The following GYS1 variants were observed in gnomAD, a reference collection of about 807,000 sequenced individuals.
GYS1 encodes the protein glycogen [starch] synthase, muscle.
GYS1 carries 60 observed loss-of-function variants against 89.1 expected under a neutral mutation model. The ratio of observed to expected loss-of-function variants is 0.67; its 90% confidence interval spans 0.55 to 0.84. GYS1 has a LOEUF of 0.84. GYS1 is among the 40% of genes least tolerant of loss of function. The pLI is 0.00. For missense variants in GYS1, 888 were observed against 1,003.1 expected, an observed-to-expected ratio of 0.89 and a Z score of 1.55; for synonymous variants, 366 against 401.7, an observed-to-expected ratio of 0.91 and a Z score of 1.06.
At chr19:48,973,847 G>T (rs2122473890) in intron 12 of GYS1, among the ~76,000 whole-genome samples, 1 of 152,208 alleles carries the variant, frequency 6.6e-6, no homozygotes, top group Admixed American at 6.5e-5. Flanking sequence ...TGGCTAATGT[G>T]AACCAACAAG....
At position 48,968,377 on chromosome 19, in the gene GYS1, T is replaced by C. The variant is rs1042414146; in HGVS notation, c.*911A>G. 1 of 454,262 alleles carries C rather than the reference T, an allele frequency of 2.2e-6. No individual in the cohort carries two copies. The highest frequency in any genetic ancestry group is 4.4e-6 in the Non-Finnish European group (1 of 226,782). The allele number at this position is 454,262 out of a possible 1,614,324, so 28.1% of individuals were successfully genotyped here. A position where few individuals can be genotyped will look rare whatever the true frequency, so the allele number is the denominator to read the frequency against. On this transcript the variant is annotated 3_prime_UTR_variant, in exon 16 of 16. Transcript: ENST00000323798. ...TCATGGGAAAGGGATCAGTATGCAG[T>C]AACGTGGTAAGGTTCCAGATCTAGA...
Position 48,969,575 on chromosome 19 carries a change from G to T in GYS1, c.1927C>A (p.Pro643Thr). The change falls in exon 16 of 16, where the codon CCA (proline) becomes ACA (threonine). Residue 643 changes from proline (P) to threonine (T), a missense_variant. Transcript: ENST00000323798. ...TGTCGTGACAGCGAGGGCGACGGTG[G>T]CACCGAGGCTGGCCGTGGGTAGCGG... ...GYRYPRPASV[P>T]PSPSLSRHSS... is the part of the protein sequence containing the mutation. 1 of 1,538,486 alleles carries T rather than the reference G, an allele frequency of 6.5e-7. No individual in the cohort carries two copies. Among genetic ancestry groups the T allele is most frequent in the African/African-American group, 1.4e-5 (1 of 73,104 alleles).
chr19:48,982,189 G>A, intron 7 of GYS1, 66 bp downstream of exon 7: 1 of 1,544,762 alleles, frequency 6.5e-7, no homozygotes, highest in African/African-American at 1.4e-5. Context: ...CACTGTGCCT[G>A]GCTGTTCTCC....
In GYS1 at chr19:48,993,070, G is replaced by C. The variant is rs777433153; in HGVS notation, c.43C>G (p.Leu15Val). 9 of 1,613,024 alleles carry C rather than the reference G, an allele frequency of 5.6e-6. No homozygotes were observed. The highest frequency in any genetic ancestry group is 6.8e-6 in the Non-Finnish European group (8 of 1,179,038). Residue 15 changes from leucine (L) to valine (V), a missense_variant, in exon 1 of 16, where the codon CTG (leucine) becomes GTG (valine). Physicochemically the swap from Leu to Val is conservative, Grantham distance 32. Transcript: ENST00000323798. ...RTLSMSSLPG[L>V]EDWEDEFDLE... ...TCGAATTCATCCTCCCAGTCCTCCA[G>C]TCCTGGCAGTGAGGACATGGACAAA... is the stretch of plus-strand genomic sequence containing the variant.
Position 48,978,130 on chromosome 19 carries a change from CT to C in GYS1, c.1196del (p.Lys399SerfsTer18). 6.2e-7 allele frequency: 1 copy of C among 1,614,168 alleles called. No homozygotes were observed. The highest frequency in any genetic ancestry group is 2.2e-5 in the East Asian group (1 of 44,878). On this transcript the variant is annotated frameshift_variant, in exon 9 of 16. Transcript: ENST00000323798. LOFTEE classifies it high-confidence loss of function. The part of the protein sequence containing the change: ...LWDTANTVKE[K>X]FGRKLYESLL... ...AGGATTCATAAAGCTTCCTCCCGAA[CT>C]TTTCCTTCACCGTGTTGGCCGTGTC...
chr19:48,985,738 C>A, intron 4 of GYS1, 112 bp downstream of exon 4: 1 of 1,510,826 alleles, frequency 6.6e-7, no homozygotes, highest in South Asian at 1.1e-5. Flanking sequence ...GGTCTGGGGA[C>A]TTGGACTCCT....
intron 7 of GYS1, 117 bp downstream of exon 7, chr19:48,982,138 C>T (rs2122507180): frequency 9.5e-7 from 1 of 1,054,780 alleles, no homozygotes; most frequent in Non-Finnish European, 1.5e-6. Context: ...AGTGATCCTC[C>T]CGCCTTGGCC....
At chr19:48,982,862 T>C (rs200284238) in intron 5 of GYS1, 25 bp from the exon 6 acceptor site, 51 of 1,335,216 alleles carry the variant, frequency 3.8e-5, no homozygotes, top group Non-Finnish European at 5.2e-5. Context: ...GAGGGTCCCA[T>C]GTTTTATTTG....
At chr19:48,970,124 T>C (rs531631267) in intron 14 of GYS1, among the ~76,000 whole-genome samples, 1 of 151,986 alleles carries the variant, frequency 6.6e-6, no homozygotes, top group Non-Finnish European at 1.5e-5. Context: ...GCCTGACCAA[T>C]GTTCTTTTTT....
intron 1 of GYS1, among the ~76,000 whole-genome samples, chr19:48,992,296 C>A (rs2038947171): frequency 6.6e-6 from 1 of 152,154 alleles, no homozygotes; most frequent in South Asian, 2.1e-4. Flanking sequence ...AAGGCCAGAA[C>A]CTCAGCTTTC....
chr19:48,981,715 C>T (rs2038767125), intron 7 of GYS1, 79 bp from the exon 8 acceptor site: 7 of 867,476 alleles, frequency 8.1e-6, no homozygotes, highest in Admixed American at 1.9e-5. Context: ...GTCAAGACCA[C>T]TGGGATCCTG....
Position 48,991,640 on chromosome 19 carries a change from G to T in GYS1, c.119-157C>A. On this transcript the variant is annotated intron_variant, in intron 1 of 15. Transcript: ENST00000323798. This position sits in a 1 kb window ranked among gnomAD's most constrained non-coding sequence, Gnocchi z 4.7. ...AGCCCATAGTTTGGAGTAGGGGTTG[G>T]AAGCTTGGATGAGGGGAACACGAGG... 1.3e-6 allele frequency: 1 copy of T among 756,078 alleles called. No homozygotes were observed. The highest frequency in any genetic ancestry group is 2.2e-6 in the Non-Finnish European group (1 of 459,380). The allele number at this position is 756,078 out of a possible 1,614,324, so 46.8% of individuals were successfully genotyped here. A position where few individuals can be genotyped will look rare whatever the true frequency, so the allele number is the denominator to read the frequency against.
Position 48,970,612 on chromosome 19 carries a change from C to T in GYS1, c.1743G>A (p.Gln581=). The T allele has an allele frequency of 6.2e-7, 1 of 1,613,992 alleles. No individual in the cohort carries two copies. The highest frequency in any genetic ancestry group is 2.2e-5 in the East Asian group (1 of 44,880). The part of the protein sequence containing the change: ...LYSFCQQSRR[Q]RIIQRNRTER... ...CCGTGCGGTTCCGCTGGATGATACG[C>T]TGCCGCCGGCTCTGCTGACAGAAAC... Residue 581 remains glutamine (Q), a synonymous_variant, in exon 14 of 16, where the codon CAG becomes CAA. Transcript: ENST00000323798.
At chr19:48,975,222 C>T (rs1036027886) in intron 10 of GYS1, among the ~76,000 whole-genome samples, 19 of 150,926 alleles carry the variant, frequency 1.3e-4, no homozygotes, top group Admixed American at 2.6e-4. Context: ...TGAGCCATTG[C>T]GCTCAGCCTA....
chr19:48,980,141 T>TGGGACTCCCCAC (rs1032402581), intron 8 of GYS1, among the ~76,000 whole-genome samples: 3 of 151,980 alleles, frequency 2.0e-5, no homozygotes, highest in African/African-American at 7.2e-5. Flanking sequence ...TCCAGCCCCA[T>TGGGACTCCCCAC]GGGACTCCCC....
At chr19:48,980,602 C>T (rs2080002836) in intron 8 of GYS1, among the ~76,000 whole-genome samples, 1 of 150,796 alleles carries the variant, frequency 6.6e-6, no homozygotes, top group Non-Finnish European at 1.5e-5. Context: ...GCGGAGGTTA[C>T]AGTGAGCTGA....
chr19:48,979,300 A>G (rs1029147482), intron 8 of GYS1, among the ~76,000 whole-genome samples: 3 of 86,058 alleles, frequency 3.5e-5, no homozygotes, highest in African/African-American at 1.2e-4. Context: ...GGCCTCATTT[A>G]TTTTTCTTTC....
chr19:48,974,072 C>A, intron 12 of GYS1, 141 bp downstream of exon 12: 1 of 890,354 alleles, frequency 1.1e-6, no homozygotes, highest in Non-Finnish European at 1.8e-6. Flanking sequence ...AAAGCACGCG[C>A]TGTAGCAGAA....
chr19:48,982,888 G>T, intron 5 of GYS1, 51 bp from the exon 6 acceptor site: 1 of 1,246,198 alleles, frequency 8.0e-7, no homozygotes, highest in Non-Finnish European at 1.2e-6. Context: ...TCAGATCAAT[G>T]TTGTGGTTGA....
Sources: gnomAD v4.1 joint callset for allele counts (sites outside exome capture counted in the v4.1 genomes callset) on GRCh38, gnomAD v4.1.1 for gene constraint, Gnocchi (gnomAD v3.1) non-coding constraint, MANE v1.5 for transcripts, NCBI Gene and HGNC (gene_info 2026-07-23, HGNC 2026-07-21) for gene names.